The following ADRA1B variants were observed in gnomAD, a reference collection of about 807,000 sequenced individuals.
The protein encoded by ADRA1B is alpha-1B adrenergic receptor.
A neutral mutation model predicts 17.9 loss-of-function variants in ADRA1B; 17 were observed. The ratio of observed to expected loss-of-function variants is 0.95; its 90% CI spans 0.65 to 1.42. The LOEUF is 1.42. Among genes scored for constraint, ADRA1B ranks in the 40% most tolerant of loss-of-function variants. ADRA1B has a pLI of 0.00. For synonymous variants in ADRA1B, 366 were observed against 327.6 expected, an observed-to-expected ratio of 1.12 and a Z score of -1.27; for missense variants, 681 against 722.1, an observed-to-expected ratio of 0.94 and a Z score of 0.65.
chr5:159,923,087 A>C (rs1467828801), intron 1 of ADRA1B, among the ~76,000 whole-genome samples: 2 of 152,256 alleles, frequency 1.3e-5, no homozygotes, highest in Non-Finnish European at 2.9e-5. Flanking sequence ...GGAGGGGCAC[A>C]CTTGAAAGTC....
At chr5:159,935,152 C>A (rs567256240) in intron 1 of ADRA1B, among the ~76,000 whole-genome samples, 86 of 152,222 alleles carry the variant, frequency 5.6e-4, no homozygotes, top group African/African-American at 2.0e-3. Flanking sequence ...AGATGGGTTC[C>A]TTCTCACTGA....
chr5:159,923,707 A>G (rs1754556893), intron 1 of ADRA1B, among the ~76,000 whole-genome samples: 1 of 152,284 alleles, frequency 6.6e-6, no homozygotes, highest in Admixed American at 6.5e-5. Context: ...CAGCAAATCT[A>G]GCTGCTCATC....
chr5:159,978,886 A>C, the ADRA1B span, among the ~76,000 whole-genome samples: 1 of 152,260 alleles, frequency 6.6e-6, no homozygotes, highest in Non-Finnish European at 1.5e-5. Flanking sequence ...GGACACCCGT[A>C]CAGTACTTCA....
At chr5:159,965,828 A>AATTT (rs748538835) in intron 1 of ADRA1B, among the ~76,000 whole-genome samples, 112 of 152,142 alleles carry the variant, frequency 7.4e-4, no homozygotes, top group Non-Finnish European at 1.1e-3. Flanking sequence ...GAGGGATCTG[A>AATTT]ATTTATTTAT....
intron 1 of ADRA1B, among the ~76,000 whole-genome samples, chr5:159,939,252 G>GAGAGA (rs1755038088): frequency 1.0e-5 from 1 of 99,764 alleles, no homozygotes; most frequent in Non-Finnish European, 2.0e-5. Flanking sequence ...TTTCTTTGAA[G>GAGAGA]GAGAGAGAGA....
chr5:159,959,051 G>A (rs577446064), intron 1 of ADRA1B, among the ~76,000 whole-genome samples: 2 of 152,342 alleles, frequency 1.3e-5, no homozygotes, highest in African/African-American at 2.4e-5. Flanking sequence ...GGCACTGACT[G>A]CATGCCCAGG....
At chr5:159,946,851 C>G (rs566051905) in intron 1 of ADRA1B, among the ~76,000 whole-genome samples, 93 of 152,270 alleles carry the variant, frequency 6.1e-4, no homozygotes, top group African/African-American at 2.2e-3. Flanking sequence ...TGTAGGACCA[C>G]GACACATGAG....
chr5:159,936,223 AT>A (rs1754951264), intron 1 of ADRA1B, among the ~76,000 whole-genome samples: 1 of 152,152 alleles, frequency 6.6e-6, no homozygotes, highest in Non-Finnish European at 1.5e-5. Context: ...TGCAAAGGAG[AT>A]CTCCCACAAC....
At chr5:159,904,970 A>G (rs1754143392) in intron 1 of ADRA1B, among the ~76,000 whole-genome samples, 2 of 152,226 alleles carry the variant, frequency 1.3e-5, no homozygotes, top group Admixed American at 6.5e-5. Context: ...TTAGTTAAGA[A>G]AGTGATGATC....
chr5:159,987,942 G>A, the ADRA1B span, among the ~76,000 whole-genome samples: 3 of 152,014 alleles, frequency 2.0e-5, no homozygotes, highest in African/African-American at 4.8e-5. Flanking sequence ...TCGGCCGGCC[G>A]CCCAAAATAT....
chr5:159,979,822 C>T, the ADRA1B span, among the ~76,000 whole-genome samples: 35 of 151,532 alleles, frequency 2.3e-4, no homozygotes, highest in Non-Finnish European at 2.9e-5. Flanking sequence ...GAGCCAAGAT[C>T]GTGCCACTGT....
chr5:159,917,486 A>T lies in ADRA1B; in HGVS notation c.581A>T (p.Glu194Val), dbSNP rs567109309. 2.5e-6 allele frequency: 4 copies of T among 1,614,052 alleles called. No homozygotes were observed. The Admixed American group carries it at 5.0e-5, about 20-fold the overall frequency. ...WKEPAPNDDK[E>V]CGVTEEPFYA... ...GAGCCGGCACCCAACGATGACAAGGAGTGCGGGGTCACCGAAGAACCCTTC... is the reference window on the plus strand; with the variant it reads ...GAGCCGGCACCCAACGATGACAAGGTGTGCGGGGTCACCGAAGAACCCTTC... The change falls in exon 1 of 2, where the codon GAG (glutamate) becomes GTG (valine). Residue 194 changes from glutamate (E) to valine (V), a missense_variant. Physicochemically the swap from Glu to Val is moderately radical, Grantham distance 121. Transcript: ENST00000306675.
downstream of ADRA1B, among the ~76,000 whole-genome samples, chr5:159,974,611 G>C (rs1005679941): frequency 1.3e-5 from 2 of 150,990 alleles, no homozygotes. Context: ...ACTCCAGCCT[G>C]GGTGACAAGA....
chr5:159,887,067 T>C (rs941313169), intron 1 of ADRA1B, among the ~76,000 whole-genome samples: 2 of 152,166 alleles, frequency 1.3e-5, no homozygotes, highest in African/African-American at 4.8e-5. Context: ...TTCTCCTTAG[T>C]AACAACTCAA....
intron 1 of ADRA1B, among the ~76,000 whole-genome samples, chr5:159,920,905 C>T (rs1754460358): frequency 6.6e-6 from 1 of 152,082 alleles, no homozygotes; most frequent in South Asian, 2.1e-4. Context: ...TGGGGGAGGA[C>T]TGTGTTTGGC....
At chr5:159,879,311 A>G (rs1029380698) in intron 1 of ADRA1B, among the ~76,000 whole-genome samples, 1 of 152,106 alleles carries the variant, frequency 6.6e-6, no homozygotes, top group Admixed American at 6.5e-5. Context: ...TCCTCCCATG[A>G]ACCACAGCTC....
intron 1 of ADRA1B, chr5:159,868,297 G>T (rs947521718): frequency 6.6e-6 from 1 of 152,154 alleles, no homozygotes; most frequent in Non-Finnish European, 1.5e-5. Flanking sequence ...ATAATATAAG[G>T]CAGACTTTGA....
At chr5:159,890,575 T>G (rs1392341441) in intron 1 of ADRA1B, among the ~76,000 whole-genome samples, 1 of 152,186 alleles carries the variant, frequency 6.6e-6, no homozygotes, top group East Asian at 1.9e-4. Context: ...ACAGGCTCAT[T>G]CATTCATATG....
At chr5:159,868,586 C>T (rs1011127781) in intron 1 of ADRA1B, 1 of 152,184 alleles carries the variant, frequency 6.6e-6, no homozygotes, top group African/African-American at 2.4e-5. Context: ...TATTCAGAAA[C>T]GATTTGGTGG....
Sources: allele counts gnomAD v4.1 joint callset (sites outside exome capture counted in the v4.1 genomes callset), GRCh38; gene constraint gnomAD v4.1.1; transcripts MANE v1.5; gene names NCBI Gene and HGNC (gene_info 2026-07-23, HGNC 2026-07-21).